CHRM2: variants seen among roughly 807,000 people sequenced by gnomAD.
CHRM2 encodes the protein muscarinic acetylcholine receptor M2.
Under a neutral mutation model 25.0 loss-of-function variants are expected in CHRM2, and 8 were observed. The observed-to-expected ratio is 0.32, with a 90% CI of 0.19 to 0.58. The LOEUF (loss-of-function observed/expected upper bound fraction) is 0.58, where lower values mean the gene tolerates loss of function less well. Ranked by LOEUF, CHRM2 falls within the 20% of genes least tolerant of loss-of-function variation. The pLI is 0.88. For synonymous variants in CHRM2, 202 were observed against 205.7 expected (o/e 0.98, Z 0.15); for missense variants, 440 against 567.1 (o/e 0.78, Z 2.28).
At chr7:136,881,695 T>C (rs1235007299) in intron 2 of CHRM2, among the ~76,000 whole-genome samples, 2 of 152,052 alleles carry the variant, frequency 1.3e-5, no homozygotes, top group Non-Finnish European at 2.9e-5. Context: ...TGTGATTATA[T>C]CTTTTACATG....
chr7:136,882,445 C>A (rs1265635431), intron 2 of CHRM2, among the ~76,000 whole-genome samples: 1 of 151,140 alleles, frequency 6.6e-6, no homozygotes, highest in Admixed American at 6.6e-5. Flanking sequence ...CTCCTCCTTC[C>A]CCCTCCTTCT....
chr7:136,917,504 G>A (rs1223072417), intron 2 of CHRM2, among the ~76,000 whole-genome samples: 1 of 151,964 alleles, frequency 6.6e-6, no homozygotes, highest in African/African-American at 2.4e-5. Flanking sequence ...AGATCAACGG[G>A]CTATGTCTCC....
intron 3 of CHRM2, among the ~76,000 whole-genome samples, chr7:137,004,630 A>C (rs1348195894): frequency 1.3e-5 from 2 of 152,142 alleles, no homozygotes; most frequent in Admixed American, 1.3e-4. Context: ...TAAACCAAAA[A>C]GTCATTTCAT....
intron 2 of CHRM2, chr7:136,902,500 A>G (rs1797281645): frequency 6.6e-6 from 1 of 152,056 alleles, no homozygotes; most frequent in South Asian, 2.1e-4. Flanking sequence ...AAAAATTAGA[A>G]GCTGGTGGGA....
At chr7:136,901,652 C>G (rs1797217698) in intron 2 of CHRM2, among the ~76,000 whole-genome samples, 1 of 151,932 alleles carries the variant, frequency 6.6e-6, no homozygotes, top group African/African-American at 2.4e-5. Flanking sequence ...TGAGAACATA[C>G]AGACGCTTTT....
intron 2 of CHRM2, among the ~76,000 whole-genome samples, chr7:136,931,770 T>C (rs1245028753): frequency 1.3e-5 from 2 of 152,232 alleles, no homozygotes; most frequent in African/African-American, 4.8e-5. Flanking sequence ...CTCCTTCACG[T>C]ATTGCTTCAA....
At chr7:136,994,309 T>A (rs1803428695) in intron 3 of CHRM2, among the ~76,000 whole-genome samples, 1 of 152,190 alleles carries the variant, frequency 6.6e-6, no homozygotes, top group Non-Finnish European at 1.5e-5. Flanking sequence ...GATGTCATCA[T>A]TAGTGGTCAT....
intron 3 of CHRM2, among the ~76,000 whole-genome samples, chr7:137,000,722 CTGTT>C (rs1008531184): frequency 1.3e-5 from 2 of 151,282 alleles, no homozygotes; most frequent in African/African-American, 4.9e-5. Context: ...AGGGGTCTGT[CTGTT>C]CACCTTTTTT....
chr7:136,975,553 C>T (rs1158588366), intron 2 of CHRM2, among the ~76,000 whole-genome samples: 1 of 151,994 alleles, frequency 6.6e-6, no homozygotes, highest in Non-Finnish European at 1.5e-5. Flanking sequence ...TGCAATTTCC[C>T]CAATAAAACA....
At chr7:136,956,114 C>A (rs916107839) in intron 2 of CHRM2, among the ~76,000 whole-genome samples, 5 of 151,876 alleles carry the variant, frequency 3.3e-5, no homozygotes, top group Admixed American at 3.3e-4. Context: ...AAGAGAGATA[C>A]TATAATTGTA....
chr7:136,964,546 ATTCT>A (rs1801295253), intron 2 of CHRM2, among the ~76,000 whole-genome samples: 1 of 152,154 alleles, frequency 6.6e-6, no homozygotes, highest in African/African-American at 2.4e-5. Flanking sequence ...GCATTGCCAA[ATTCT>A]TTCTTCTTTC....
At chr7:136,951,133 G>T (rs1298295628) in intron 2 of CHRM2, 1 of 152,152 alleles carries the variant, frequency 6.6e-6, no homozygotes, top group African/African-American at 2.4e-5. Context: ...TCAAACAGAG[G>T]AGGCCCCCTG....
intron 2 of CHRM2, among the ~76,000 whole-genome samples, chr7:136,965,330 C>G (rs1455614920): frequency 2.0e-5 from 3 of 151,840 alleles, no homozygotes; most frequent in Admixed American, 2.0e-4. Context: ...AAATGTCTTG[C>G]TTTACTGTGA....
chr7:136,980,373 A>G (rs1338358037), intron 2 of CHRM2, among the ~76,000 whole-genome samples: 1 of 152,224 alleles, frequency 6.6e-6, no homozygotes, highest in African/African-American at 2.4e-5. Context: ...TAAATATCCA[A>G]TCATGTCATC....
In CHRM2 at chr7:137,016,463, G is replaced by A; in HGVS notation, c.*197G>A. Reference sequence around the variant, plus strand: ...AAAAATTGCACCTTATAAACTGTCAGTATTAGGAGCAATGAGACAATGAAA... The same window carrying A: ...AAAAATTGCACCTTATAAACTGTCAATATTAGGAGCAATGAGACAATGAAA... On this transcript the variant is annotated 3_prime_UTR_variant, in exon 4 of 4. Coordinates refer to ENST00000680005, the MANE Select transcript of CHRM2 (RefSeq NM_001006630.2). 1 of 593,758 alleles carries A rather than the reference G, an allele frequency of 1.7e-6. No individual in the cohort carries two copies. Among genetic ancestry groups the A allele is most frequent in the Non-Finnish European group, 3.1e-6 (1 of 326,392 alleles). The allele number at this position is 593,758 out of a possible 1,614,324, so 36.8% of individuals were successfully genotyped here.
chr7:136,964,238 T>A (rs933158150), intron 2 of CHRM2, among the ~76,000 whole-genome samples: 2 of 152,088 alleles, frequency 1.3e-5, no homozygotes, highest in African/African-American at 4.8e-5. Flanking sequence ...TATATATATA[T>A]GTTTTTAAAT....
intron 2 of CHRM2, among the ~76,000 whole-genome samples, chr7:136,948,051 G>T (rs142063212): frequency 2.0e-5 from 3 of 152,142 alleles, no homozygotes; most frequent in Admixed American, 2.0e-4. Flanking sequence ...ATGGCTGGGG[G>T]ATTGTATGCA....
At chr7:136,877,752 T>C (rs1178408196) in intron 2 of CHRM2, among the ~76,000 whole-genome samples, 3 of 152,072 alleles carry the variant, frequency 2.0e-5, no homozygotes, top group African/African-American at 7.2e-5. Context: ...ATGACTTTTC[T>C]TGATGTTATT....
At chr7:137,000,867 C>G (rs935790237) in intron 3 of CHRM2, among the ~76,000 whole-genome samples, 1 of 152,020 alleles carries the variant, frequency 6.6e-6, no homozygotes, top group African/African-American at 2.4e-5. Context: ...TTCGCTTAAC[C>G]CCAGCATATG....
Sources: allele counts gnomAD v4.1 joint callset (sites outside exome capture counted in the v4.1 genomes callset), GRCh38; gene constraint gnomAD v4.1.1; transcripts MANE v1.5; gene names NCBI Gene and HGNC (gene_info 2026-07-23, HGNC 2026-07-21).